The following ST8SIA1 variants were observed in gnomAD, a reference collection of about 807,000 sequenced individuals.
ST8SIA1 encodes the protein ST8 alpha-N-acetyl-neuraminide alpha-2,8-sialyltransferase 1.
ST8SIA1 carries 16 observed loss-of-function variants against 35.9 expected under a neutral mutation model. That is an observed-to-expected ratio of 0.45 (90% confidence interval 0.30 to 0.68). The LOEUF is 0.68. Among genes scored for constraint, ST8SIA1 ranks in the 30% least tolerant of loss-of-function variants. The pLI is 0.09. For missense variants in ST8SIA1, 383 were observed against 453.6 expected, an observed-to-expected ratio of 0.84 and a Z score of 1.41; for synonymous variants, 170 against 169.6, an observed-to-expected ratio of 1.00 and a Z score of -0.02.
At chr12:22,321,077 C>T (rs1161568211) in intron 1 of ST8SIA1, among the ~76,000 whole-genome samples, 1 of 150,662 alleles carries the variant, frequency 6.6e-6, no homozygotes, top group Non-Finnish European at 1.5e-5. Flanking sequence ...CAGAATCAAC[C>T]AGACACCAGA....
intron 4 of ST8SIA1, among the ~76,000 whole-genome samples, chr12:22,222,556 A>T (rs1202040098): frequency 6.6e-6 from 1 of 152,056 alleles, no homozygotes; most frequent in Non-Finnish European, 1.5e-5. Flanking sequence ...AATTAAAAGT[A>T]GCACTGTATG....
intron 1 of ST8SIA1, among the ~76,000 whole-genome samples, chr12:22,294,955 C>T (rs988172269): frequency 6.6e-6 from 1 of 152,106 alleles, no homozygotes; most frequent in Non-Finnish European, 1.5e-5. Flanking sequence ...ATTTTAGTAG[C>T]TGGAAGTGAC....
intron 1 of ST8SIA1, among the ~76,000 whole-genome samples, chr12:22,318,920 T>C (rs1374712893): frequency 6.6e-6 from 1 of 152,162 alleles, no homozygotes; most frequent in Non-Finnish European, 1.5e-5. Flanking sequence ...TTTCTAACTA[T>C]GTAACCCTAA....
At chr12:22,321,052 A>G in intron 1 of ST8SIA1, among the ~76,000 whole-genome samples, 1 of 151,502 alleles carries the variant, frequency 6.6e-6, no homozygotes, top group African/African-American at 2.4e-5. Context: ...GAAAGAAAAG[A>G]AAAGGAAGAG....
intron 1 of ST8SIA1, 130 bp from the exon 2 acceptor site, chr12:22,287,423 G>A (rs1866114092): frequency 3.6e-6 from 3 of 830,448 alleles, no homozygotes. Context: ...GCATCTCCAG[G>A]GTGATTAGAC....
chr12:22,255,242 G>T, intron 3 of ST8SIA1, 38 bp downstream of exon 3: 1 of 1,551,502 alleles, frequency 6.4e-7, no homozygotes, highest in Non-Finnish European at 8.9e-7. Context: ...GGGAAAAGGA[G>T]AGAAGGCAGA....
intron 1 of ST8SIA1, among the ~76,000 whole-genome samples, chr12:22,313,713 T>C (rs1866481400): frequency 6.6e-6 from 1 of 152,214 alleles, no homozygotes; most frequent in African/African-American, 2.4e-5. Context: ...TGATTTTAAC[T>C]TTCACACAGG....
chr12:22,219,247 G>A (rs1205599857), intron 4 of ST8SIA1, among the ~76,000 whole-genome samples: 1 of 152,106 alleles, frequency 6.6e-6, no homozygotes, highest in African/African-American at 2.4e-5. Context: ...AAATTACACT[G>A]TGTTTTAATT....
rs191571511 is a variant in ST8SIA1 at position 22,332,794 on chromosome 12, T to C, written c.236+1203A>G. On this transcript the variant is annotated intron_variant, in intron 1 of 4. Coordinates refer to ENST00000396037, the MANE Select transcript of ST8SIA1 (RefSeq NM_003034.4). ...TGTTTAAAAAGTTTTTAAAAATGTA[T>C]AGATGCTCCTGAATATTTGTAAATA... Among the ~76,000 whole-genome samples the C allele has an allele frequency of 2.6e-5, 4 of 152,322 alleles. No homozygotes were observed. In the East Asian group the frequency reaches 7.7e-4, roughly 29 times the overall value.
chr12:22,230,050 C>T (rs1277088571), intron 4 of ST8SIA1, among the ~76,000 whole-genome samples: 3 of 152,314 alleles, frequency 2.0e-5, no homozygotes, highest in East Asian at 1.9e-4. Context: ...TAGTTTCATT[C>T]GTCCAGGACT....
At chr12:22,319,946 G>A (rs923294706) in intron 1 of ST8SIA1, among the ~76,000 whole-genome samples, 5 of 152,098 alleles carry the variant, frequency 3.3e-5, no homozygotes, top group African/African-American at 9.7e-5. Flanking sequence ...AGACATTCAC[G>A]GTAAGCCCCA....
chr12:22,273,796 C>T (rs895479867), intron 2 of ST8SIA1, among the ~76,000 whole-genome samples: 2 of 152,158 alleles, frequency 1.3e-5, no homozygotes, highest in Non-Finnish European at 1.5e-5. Context: ...GAATCTCTAC[C>T]ATGTCTCAAG....
intron 2 of ST8SIA1, among the ~76,000 whole-genome samples, chr12:22,284,718 T>C (rs989141211): frequency 2.6e-5 from 4 of 152,244 alleles, no homozygotes; most frequent in Admixed American, 6.5e-5. Flanking sequence ...TCTTCCTTTA[T>C]TATTCAAGGA....
intron 4 of ST8SIA1, among the ~76,000 whole-genome samples, chr12:22,240,086 T>C (rs541072818): frequency 6.6e-6 from 1 of 152,322 alleles, no homozygotes; most frequent in East Asian, 1.9e-4. Context: ...GTATTGCAAC[T>C]GGAGAGTCCT....
At chr12:22,319,858 G>C (rs529794492) in intron 1 of ST8SIA1, among the ~76,000 whole-genome samples, 2 of 152,082 alleles carry the variant, frequency 1.3e-5, no homozygotes, top group Non-Finnish European at 2.9e-5. Flanking sequence ...ATCTGACCAC[G>C]AGCTTCCTAA....
At position 22,257,011 on chromosome 12, in the gene ST8SIA1, G is replaced by A. The variant is rs76171274; in HGVS notation, c.382-1622C>T. Among the ~76,000 whole-genome samples the A allele has an allele frequency of 2.8e-3, 424 of 152,262 alleles. 4 individuals are homozygous for A. In the East Asian group the frequency reaches 0.049, roughly 18 times the overall value. On this transcript the variant is annotated intron_variant, in intron 2 of 4. Coordinates refer to ENST00000396037, the MANE Select transcript of ST8SIA1 (RefSeq NM_003034.4). ...AGTATTTACAAAGTGCCTACTATGC[G>A]TCAGGCACTGCCCTGGGTGACAAGG...
chr12:22,207,993 A>T (rs1565566847), intron 4 of ST8SIA1, among the ~76,000 whole-genome samples: 2 of 152,044 alleles, frequency 1.3e-5, no homozygotes, highest in Non-Finnish European at 2.9e-5. Flanking sequence ...AAATACAAAA[A>T]TTAGCTGGGT....
intron 2 of ST8SIA1, among the ~76,000 whole-genome samples, chr12:22,265,572 G>A (rs1046364832): frequency 6.6e-6 from 1 of 152,138 alleles, no homozygotes; most frequent in Admixed American, 6.5e-5. Context: ...TACAGTTGTT[G>A]TGAGAATTAA....
intron 1 of ST8SIA1, among the ~76,000 whole-genome samples, chr12:22,323,269 AATC>A (rs1866627178): frequency 6.6e-6 from 1 of 152,228 alleles, no homozygotes; most frequent in African/African-American, 2.4e-5. Flanking sequence ...TTAATCTAAC[AATC>A]ATAGTATATC....
Sources: allele counts gnomAD v4.1 joint callset (sites outside exome capture counted in the v4.1 genomes callset), GRCh38; gene constraint gnomAD v4.1.1; transcripts MANE v1.5; gene names NCBI Gene and HGNC (gene_info 2026-07-23, HGNC 2026-07-21).